The following HIVEP3 variants were observed in gnomAD, a reference collection of about 807,000 sequenced individuals.
HIVEP3 encodes HIVEP zinc finger 3.
Under a neutral mutation model 152.8 loss-of-function variants are expected in HIVEP3, and 49 were observed. The observed-to-expected ratio is 0.32, with a 90% confidence interval of 0.26 to 0.41. HIVEP3 has a LOEUF of 0.41. Ranked by LOEUF, HIVEP3 falls within the 10% of genes least tolerant of loss-of-function variation. The pLI is 1.00. For missense variants in HIVEP3, 2,790 were observed against 3,103.3 expected (o/e 0.90, Z 2.40); for synonymous variants, 1,269 against 1,289.0 (o/e 0.98, Z 0.33).
At chr1:41,543,431 A>G (rs1056329128) in intron 5 of HIVEP3, 7 of 152,236 alleles carry the variant, frequency 4.6e-5, no homozygotes, top group African/African-American at 1.7e-4. Flanking sequence ...CAGGAAAGCC[A>G]TTTCTATGAA....
intron 1 of HIVEP3, among the ~76,000 whole-genome samples, chr1:41,746,840 C>T (rs1647079331): frequency 6.6e-6 from 1 of 152,204 alleles, no homozygotes; most frequent in African/African-American, 2.4e-5. Flanking sequence ...ATCACTATCT[C>T]AGCCGTGGGC....
intron 1 of HIVEP3, among the ~76,000 whole-genome samples, chr1:41,716,879 C>T (rs1203019411): frequency 1.3e-5 from 2 of 152,254 alleles, no homozygotes; most frequent in South Asian, 2.1e-4. Context: ...CTCTCTGTCA[C>T]TCTCAGGCAT....
In HIVEP3 at chr1:41,579,939, G is replaced by A. The variant is rs1156609447; in HGVS notation, c.4859C>T (p.Ala1620Val). Residue 1620 changes from alanine to valine, a missense_variant, in exon 4 of 9, where the codon GCA becomes GTA. Ala to Val is a moderately conservative substitution (Grantham distance 64). Transcript: ENST00000372583. ...AGCGTAAACAGAGGACCTCCTATCTGCATGCTGGATGTGATTTGGCTTAAT... is the reference window on the plus strand; with the variant it reads ...AGCGTAAACAGAGGACCTCCTATCTACATGCTGGATGTGATTTGGCTTAAT... ...NYIKPNHIQH[A>V]DRRSSVYAGW... 2.5e-6 allele frequency: 4 copies of A among 1,614,244 alleles called. No homozygotes were observed. The highest frequency in any genetic ancestry group is 3.4e-6 in the Non-Finnish European group (4 of 1,180,032).
In HIVEP3 at chr1:41,951,686, G is replaced by A. The variant is rs1018407910; in HGVS notation, n.120-33162C>T. Among the ~76,000 whole-genome samples the A allele has an allele frequency of 9.9e-5, 15 of 152,144 alleles. 1 individual carries two copies. The highest frequency in any genetic ancestry group is 4.1e-4 in the South Asian group (2 of 4,826). ...CCTCAGGAAACGTACAATCATGGTGGAAGGCACCTCTTCACAGAGCAGCAG... is the reference window on the plus strand; with the variant it reads ...CCTCAGGAAACGTACAATCATGGTGAAAGGCACCTCTTCACAGAGCAGCAG... On this transcript the variant is annotated intron_variant and non_coding_transcript_variant, in intron 1 of 3. Transcript: ENST00000489103.
At position 41,508,059 on chromosome 1, in the gene HIVEP3, C is replaced by T. The variant is rs1215336799; in HGVS notation, c.*2392G>A. ...ATTGCTAGGCTGCCCAGGGAGGAAACCTTGGGTGGGTAGGCTGTTTGAGTA... is the reference window on the plus strand; with the variant it reads ...ATTGCTAGGCTGCCCAGGGAGGAAATCTTGGGTGGGTAGGCTGTTTGAGTA... On this transcript the variant is annotated 3_prime_UTR_variant, in exon 9 of 9. Coordinates refer to ENST00000372583, the MANE Select transcript of HIVEP3 (RefSeq NM_024503.5). 6.6e-6 allele frequency: 1 copy of T among 152,220 alleles called. No homozygotes were observed. Among genetic ancestry groups the T allele is most frequent in the Admixed American group, 6.5e-5 (1 of 15,278 alleles). 9.4% of individuals were successfully genotyped at this position (152,220 alleles called of 1,614,324 possible).
rs530756870 is a variant in HIVEP3, at chr1:41,980,678, T to C, written n.119+55129A>G. ...ACACAATTAAAATTGGTTAATTTTA[T>C]GGTGTCAAATTATACTTCAATAAAG... is the stretch of plus-strand genomic sequence containing the variant. On this transcript the variant is annotated intron_variant and non_coding_transcript_variant, in intron 1 of 3. Transcript: ENST00000489103. Among the ~76,000 whole-genome samples, 20 of 152,324 alleles carry C rather than the reference T, an allele frequency of 1.3e-4. No individual in the cohort carries two copies. In the East Asian group the frequency reaches 3.9e-3, roughly 29 times the overall value.
chr1:41,652,969 C>T (rs1382211458), intron 2 of HIVEP3, among the ~76,000 whole-genome samples: 7 of 151,892 alleles, frequency 4.6e-5, no homozygotes, highest in Non-Finnish European at 7.4e-5. Context: ...GAGCACCGCA[C>T]GTAGGGAAGG....
intron 1 of HIVEP3, among the ~76,000 whole-genome samples, chr1:41,936,815 C>T (rs532275844): frequency 6.6e-6 from 1 of 152,240 alleles, no homozygotes; most frequent in South Asian, 2.1e-4. Context: ...ACCATATGCT[C>T]TTATGATGGG....
At chr1:41,915,107 T>C (rs1644851285) in intron 1 of HIVEP3, among the ~76,000 whole-genome samples, 1 of 149,676 alleles carries the variant, frequency 6.7e-6, no homozygotes, top group African/African-American at 2.5e-5. Context: ...TTATCATGGA[T>C]AGTTGCAGTT....
intron 1 of HIVEP3, among the ~76,000 whole-genome samples, chr1:41,748,104 G>C (rs545113535): frequency 6.6e-6 from 1 of 152,266 alleles, no homozygotes; most frequent in African/African-American, 2.4e-5. Flanking sequence ...GCCTGGTGTG[G>C]ACTAAGCACC....
chr1:41,744,774 C>A (rs1647048259), intron 1 of HIVEP3, among the ~76,000 whole-genome samples: 1 of 152,222 alleles, frequency 6.6e-6, no homozygotes, highest in Non-Finnish European at 1.5e-5. Context: ...ATATTACATT[C>A]CAACACATAC....
rs373369306 is a variant in HIVEP3 at position 41,581,043 on chromosome 1, C to G, written c.3755G>C (p.Gly1252Ala). The G allele has an allele frequency of 6.4e-7, 1 of 1,558,142 alleles. No individual in the cohort carries two copies. Among genetic ancestry groups the G allele is most frequent in the Non-Finnish European group, 8.7e-7 (1 of 1,151,868 alleles). ...LQSQFALQLP[G>A]DVESHLPQIK... ...CTGGGGCAGATGGCTTTCCACATCACCAGGGAGCTGAAGTGCAAACTGGGA... is the reference window on the plus strand; with the variant it reads ...CTGGGGCAGATGGCTTTCCACATCAGCAGGGAGCTGAAGTGCAAACTGGGA... Residue 1252 changes from glycine (G) to alanine (A), a missense_variant, in exon 4 of 9, where the codon GGT becomes GCT. Gly to Ala is a moderately conservative substitution (Grantham distance 60, BLOSUM62 0). This residue lies in a region of HIVEP3 where 1,078 missense variants were observed against 1,165.3 expected (regional missense o/e 0.93). Coordinates refer to ENST00000372583, the MANE Select transcript of HIVEP3 (RefSeq NM_024503.5). This position sits in a 1 kb window ranked among gnomAD's most constrained non-coding sequence, Gnocchi z 4.5.
At chr1:41,564,141 C>T (rs1002483220) in intron 5 of HIVEP3, among the ~76,000 whole-genome samples, 9 of 152,006 alleles carry the variant, frequency 5.9e-5, no homozygotes, top group African/African-American at 2.2e-4. Context: ...TGCAGTGAGC[C>T]GAGATCGTGC....
At chr1:41,761,816 G>T (rs150931088) in intron 1 of HIVEP3, among the ~76,000 whole-genome samples, 1 of 152,236 alleles carries the variant, frequency 6.6e-6, no homozygotes, top group Admixed American at 6.5e-5. Flanking sequence ...CCATGTGAGT[G>T]TATGAGTGGA....
Position 41,580,210 on chromosome 1 carries a change from C to T in HIVEP3, c.4588G>A (p.Ala1530Thr), listed in dbSNP as rs1401580638. The T allele has an allele frequency of 6.2e-7, 1 of 1,612,172 alleles. No homozygotes were observed. The highest frequency in any genetic ancestry group is 1.1e-5 in the South Asian group (1 of 90,734). The change falls in exon 4 of 9, where the codon GCT (alanine) becomes ACT (threonine). Residue 1530 changes from alanine to threonine, a missense_variant. By Grantham distance (58) the Ala-to-Thr change is moderately conservative. This residue lies in a region of HIVEP3 where 1,078 missense variants were observed against 1,165.3 expected (regional missense o/e 0.93). Transcript: ENST00000372583. ...GATGGCTGGGGATATTCCTTCAAAG[C>T]TTCTGAGCCTGGGGCTGTCCCATGG... ...LSHGTAPGSE[A>T]LKEYPQPSGK...
chr1:41,876,291 A>C (rs1223659662), intron 1 of HIVEP3, among the ~76,000 whole-genome samples: 2 of 152,158 alleles, frequency 1.3e-5, no homozygotes, highest in Non-Finnish European at 2.9e-5. Flanking sequence ...AGAGGCAAAG[A>C]GATAGGTGAA....
intron 1 of HIVEP3, among the ~76,000 whole-genome samples, chr1:41,844,878 C>T (rs1643391940): frequency 6.6e-6 from 1 of 152,230 alleles, no homozygotes; most frequent in African/African-American, 2.4e-5. Flanking sequence ...CACCAGCTGA[C>T]CTGGGCTTCT....
At chr1:41,671,818 A>AG (rs1165927502) in intron 2 of HIVEP3, among the ~76,000 whole-genome samples, 1 of 152,216 alleles carries the variant, frequency 6.6e-6, no homozygotes, top group Admixed American at 6.5e-5. Flanking sequence ...AGCTTGTCAG[A>AG]GGAGATGAGT....
intron 1 of HIVEP3, among the ~76,000 whole-genome samples, chr1:41,978,417 T>C (rs1449644095): frequency 6.6e-6 from 1 of 152,138 alleles, no homozygotes; most frequent in African/African-American, 2.4e-5. Flanking sequence ...ACTGGTGTCC[T>C]TATAAGAAGA....
Sources: allele counts gnomAD v4.1 joint callset (sites outside exome capture counted in the v4.1 genomes callset), GRCh38; gene constraint gnomAD v4.1.1; regional missense constraint gnomAD v4.1.1; non-coding constraint Gnocchi (gnomAD v3.1); transcripts MANE v1.5; gene names NCBI Gene and HGNC (gene_info 2026-07-23, HGNC 2026-07-21).